MXI1: variants seen among roughly 807,000 people sequenced by gnomAD.
MXI1 encodes max-interacting protein 1.
MXI1 carries 18 observed loss-of-function variants against 36.9 expected under a neutral mutation model. That is an observed-to-expected ratio of 0.49 (90% CI 0.34 to 0.72). The LOEUF is 0.72. Among genes scored for constraint, MXI1 ranks in the 30% least tolerant of loss-of-function variants. MXI1 has a pLI of 0.01. For missense variants in MXI1, 304 were observed against 379.1 expected (o/e 0.80, Z 1.64); for synonymous variants, 160 against 146.7 (o/e 1.09, Z -0.65).
At position 110,228,314 on chromosome 10, in the gene MXI1, G is replaced by A. The variant is rs1855136211; in HGVS notation, c.400G>A (p.Ala134Thr). The change falls in exon 2 of 6, where the codon GCC (alanine) becomes ACC (threonine). Residue 134 changes from alanine (A) to threonine (T), a missense_variant. Coordinates refer to ENST00000332674, the MANE Select transcript of MXI1 (RefSeq NM_130439.3). ...CAGCGGGAGCAGCAACACCAGCACTGCCAACAGGTAGCAAGCTGGGAACGC... is the reference window on the plus strand; with the variant it reads ...CAGCGGGAGCAGCAACACCAGCACTACCAACAGGTAGCAAGCTGGGAACGC... Reference protein sequence around the residue: ...HSSGSSNTSTANRSTHNELEK... With the variant: ...HSSGSSNTSTTNRSTHNELEK... 2 of 1,614,122 alleles carry A rather than the reference G, an allele frequency of 1.2e-6. No homozygotes were observed. The highest frequency in any genetic ancestry group is 1.7e-6 in the Non-Finnish European group (2 of 1,180,030).
chr10:110,254,473 G>A (rs1302540515), intron 3 of MXI1, among the ~76,000 whole-genome samples: 1 of 152,244 alleles, frequency 6.6e-6, no homozygotes, highest in East Asian at 1.9e-4. Flanking sequence ...AAGTGTTCAA[G>A]TGAAACAAAG....
At chr10:110,269,502 C>T (rs1298088299) in intron 3 of MXI1, among the ~76,000 whole-genome samples, 1 of 152,100 alleles carries the variant, frequency 6.6e-6, no homozygotes, top group Non-Finnish European at 1.5e-5. Context: ...TTCGTCATTT[C>T]CCTCTTCCAT....
In MXI1 at chr10:110,285,528, A is replaced by ATT. The variant is rs376761325; in HGVS notation, c.*552_*553dup. ...TGTGGATGATCAATCCTTTATTATT[A>ATT]TTTTTTTTTTTTGAAAAAAGCTCAT... On this transcript the variant is annotated 3_prime_UTR_variant, in exon 6 of 6. Coordinates refer to ENST00000332674, the MANE Select transcript of MXI1 (RefSeq NM_130439.3). 5.0e-4 allele frequency: 73 copies of ATT among 145,846 alleles called. No homozygotes were observed. Among genetic ancestry groups the ATT allele is most frequent in the Middle Eastern group, 3.5e-3 (1 of 282 alleles). 9.0% of individuals were successfully genotyped at this position (145,846 alleles called of 1,614,324 possible). A position where few individuals can be genotyped will look rare whatever the true frequency, so the allele number is the denominator to read the frequency against.
At chr10:110,254,767 C>T (rs1856226454) in intron 3 of MXI1, among the ~76,000 whole-genome samples, 1 of 152,022 alleles carries the variant, frequency 6.6e-6, no homozygotes, top group Non-Finnish European at 1.5e-5. Context: ...AGAGCAAGGC[C>T]CTAACTCTAT....
At chr10:110,226,077 C>G in intron 1 of MXI1, 1 of 1,045,210 alleles carries the variant, frequency 9.6e-7, no homozygotes, top group Non-Finnish European at 1.2e-6. Context: ...GAGAGCGCGC[C>G]GAGCCGCGGC....
intron 5 of MXI1, among the ~76,000 whole-genome samples, chr10:110,284,207 C>CTT (rs930451453): frequency 6.6e-6 from 1 of 151,764 alleles, no homozygotes; most frequent in African/African-American, 2.4e-5. Flanking sequence ...AATCTGAAGA[C>CTT]TTTTAAGTCT....
intron 1 of MXI1, among the ~76,000 whole-genome samples, chr10:110,212,432 C>G (rs1854536806): frequency 6.6e-6 from 1 of 152,234 alleles, no homozygotes. Context: ...TTAGACTCTT[C>G]CACTGTCTAG....
At chr10:110,267,131 A>G (rs1856699096) in intron 3 of MXI1, among the ~76,000 whole-genome samples, 1 of 152,228 alleles carries the variant, frequency 6.6e-6, no homozygotes, top group African/African-American at 2.4e-5. Flanking sequence ...CAGAAATCAT[A>G]ATGACTAAAA....
At chr10:110,215,074 C>T (rs1392034775) in intron 1 of MXI1, among the ~76,000 whole-genome samples, 1 of 127,870 alleles carries the variant, frequency 7.8e-6, no homozygotes, top group African/African-American at 3.0e-5. Context: ...TGGAGTCTCA[C>T]TCTGTTGCCC....
At chr10:110,238,525 A>G (rs949857647) in intron 2 of MXI1, among the ~76,000 whole-genome samples, 8 of 152,132 alleles carry the variant, frequency 5.3e-5, no homozygotes, top group Admixed American at 4.6e-4. Context: ...TTTGTTTTCT[A>G]TGTAATTTGT....
intron 2 of MXI1, among the ~76,000 whole-genome samples, chr10:110,234,723 G>A (rs909832981): frequency 6.6e-6 from 1 of 152,066 alleles, no homozygotes; most frequent in Non-Finnish European, 1.5e-5. Context: ...AATAGAATTT[G>A]TTGTTAACAA....
At chr10:110,222,568 T>C (rs1854843696) in intron 1 of MXI1, among the ~76,000 whole-genome samples, 1 of 152,220 alleles carries the variant, frequency 6.6e-6, no homozygotes, top group Non-Finnish European at 1.5e-5. Flanking sequence ...CTGTGATCGT[T>C]ATAGGCCTGG....
rs60576710 is a variant in MXI1 at position 110,236,124 on chromosome 10, C to CTTTTTTTTTT, written c.407+7833_407+7842dup. Among the ~76,000 whole-genome samples the CTTTTTTTTTT allele has an allele frequency of 1.8e-4, 6 of 33,576 alleles. 2 individuals are homozygous for CTTTTTTTTTT. The highest frequency in any genetic ancestry group is 2.8e-4 in the Non-Finnish European group (5 of 17,976). The allele number at this position is 33,576 out of a possible 152,430, so 22.0% of individuals were successfully genotyped here. Reference sequence around the variant, plus strand: ...AGGGTGTGAAGTAAAGGTTGAAGTTCTTTTTTTTTTTTTTTTTTTTTTTTT... The same window carrying CTTTTTTTTTT: ...AGGGTGTGAAGTAAAGGTTGAAGTTCTTTTTTTTTTTTTTTTTTTTTTTTTTTTTTTTTTT... On this transcript the variant is annotated intron_variant, in intron 2 of 5. Transcript: ENST00000332674.
At chr10:110,208,161 T>G in intron 1 of MXI1, 79 bp downstream of exon 1, 5 of 1,425,016 alleles carry the variant, frequency 3.5e-6, no homozygotes, top group Non-Finnish European at 3.8e-6. Context: ...TGTTGCGAGC[T>G]CGGCCCGTCC....
intron 3 of MXI1, among the ~76,000 whole-genome samples, chr10:110,253,505 T>TGTACTG (rs1856175417): frequency 6.6e-6 from 1 of 152,098 alleles, no homozygotes; most frequent in African/African-American, 2.4e-5. Context: ...AAGGGCATAG[T>TGTACTG]TTTTTTACAC....
intron 2 of MXI1, among the ~76,000 whole-genome samples, chr10:110,230,110 G>A (rs1236730786): frequency 6.6e-6 from 1 of 152,156 alleles, no homozygotes; most frequent in Non-Finnish European, 1.5e-5. Context: ...TAGTAATTTA[G>A]TATGTCTCCC....
At position 110,207,799 on chromosome 10, in the gene MXI1, C is replaced by T. The variant is rs1854399478; in HGVS notation, c.-10C>T. The T allele has an allele frequency of 1.8e-6, 2 of 1,128,348 alleles. No individual in the cohort carries two copies. The highest frequency in any genetic ancestry group is 2.2e-6 in the Non-Finnish European group (2 of 920,156). 69.9% of individuals were successfully genotyped at this position (1,128,348 alleles called of 1,614,324 possible). A position where few individuals can be genotyped will look rare whatever the true frequency, so the allele number is the denominator to read the frequency against. ...GTTAGAGGACGAGCTCGGCGGACCC[C>T]CGCTCCTCCATGGGCAAACGCGGGC... On this transcript the variant is annotated 5_prime_UTR_variant, in exon 1 of 6. Transcript: ENST00000332674.
At chr10:110,282,242 C>A (rs1008232544) in intron 5 of MXI1, among the ~76,000 whole-genome samples, 8 of 152,134 alleles carry the variant, frequency 5.3e-5, no homozygotes, top group Admixed American at 3.9e-4. Flanking sequence ...TTGCAGTCAT[C>A]CTTTTAAATT....
chr10:110,243,842 A>G (rs1015556625), intron 2 of MXI1, among the ~76,000 whole-genome samples: 2 of 152,102 alleles, frequency 1.3e-5, no homozygotes, highest in African/African-American at 2.4e-5. Flanking sequence ...CAGAGAAATG[A>G]AGGGACTTTA....
Sources: allele counts gnomAD v4.1 joint callset (sites outside exome capture counted in the v4.1 genomes callset), GRCh38; gene constraint gnomAD v4.1.1; transcripts MANE v1.5; gene names NCBI Gene and HGNC (gene_info 2026-07-23, HGNC 2026-07-21).